Variants in KIRREL3 observed in about 807,000 individuals in gnomAD.
The protein encoded by KIRREL3 is kirre like nephrin family adhesion molecule 3, also known as kin of IRRE-like protein 3.
Under a neutral mutation model 89.7 loss-of-function variants are expected in KIRREL3, and 36 were observed. The observed-to-expected ratio is 0.40, with a 90% CI of 0.31 to 0.53. The LOEUF (loss-of-function observed/expected upper bound fraction) is 0.53. KIRREL3 is among the 20% of genes least tolerant of loss of function. The probability of loss-of-function intolerance (pLI) is 0.49; values close to 1 mark genes in which losing one functional copy is unlikely to be tolerated. For synonymous variants in KIRREL3, 445 were observed against 441.4 expected (o/e 1.01, Z -0.10); for missense variants, 864 against 1,056.6 (o/e 0.82, Z 2.53).
At chr11:126,888,589 C>T (rs1945788057) in intron 1 of KIRREL3, among the ~76,000 whole-genome samples, 1 of 152,144 alleles carries the variant, frequency 6.6e-6, no homozygotes, top group African/African-American at 2.4e-5. Flanking sequence ...GAATGTGTTG[C>T]TAAGACCCTC....
chr11:126,730,957 T>C (rs541735554), intron 1 of KIRREL3, among the ~76,000 whole-genome samples: 1 of 152,176 alleles, frequency 6.6e-6, no homozygotes, highest in African/African-American at 2.4e-5. Flanking sequence ...GGCAGGATGG[T>C]CTCCATCTCC....
Position 126,948,558 on chromosome 11 carries a change from G to T in KIRREL3, c.55+51897C>A, listed in dbSNP as rs1948687553. ...TCAAGAAAACTATGAGGGATTTTAG[G>T]CTTCCCAAAAAGCATAAAAAGCAGT... On this transcript the variant is annotated intron_variant, in intron 1 of 16. Transcript: ENST00000525144. This position sits in a 1 kb window ranked among gnomAD's most constrained non-coding sequence, Gnocchi z 4.5. Among the ~76,000 whole-genome samples, 1 of 152,158 alleles carries T rather than the reference G, an allele frequency of 6.6e-6. No homozygotes were observed. Among genetic ancestry groups the T allele is most frequent in the Non-Finnish European group, 1.5e-5 (1 of 68,024 alleles).
intron 1 of KIRREL3, among the ~76,000 whole-genome samples, chr11:126,907,141 G>T (rs1489225071): frequency 6.6e-6 from 1 of 152,000 alleles, no homozygotes; most frequent in South Asian, 2.1e-4. Context: ...ACTTGGTTAA[G>T]ATATGAAACT....
Position 126,768,129 on chromosome 11 carries a change from CATCT to C in KIRREL3, c.56-205221_56-205218del, listed in dbSNP as rs1439465775. Among the ~76,000 whole-genome samples, 556 of 131,914 alleles carry C rather than the reference CATCT, an allele frequency of 4.2e-3. 6 individuals are homozygous for C. The highest frequency in any genetic ancestry group is 0.015 in the African/African-American group (504 of 32,556). 86.5% of individuals were successfully genotyped at this position (131,914 alleles called of 152,430 possible). A position where few individuals can be genotyped will look rare whatever the true frequency, so the allele number is the denominator to read the frequency against. ...CCATCTGTCCATCCATCTGTCTATC[CATCT>C]ATCCATCCATCCATCCATCCATCCA... On this transcript the variant is annotated intron_variant, in intron 1 of 16. Coordinates refer to ENST00000525144, the MANE Select transcript of KIRREL3 (RefSeq NM_032531.4). The surrounding 1 kb of genome is among the most constrained non-coding windows in gnomAD (Gnocchi z 4.5).
intron 1 of KIRREL3, among the ~76,000 whole-genome samples, chr11:126,820,145 T>G (rs939523): frequency 1.3e-5 from 2 of 151,872 alleles, no homozygotes; most frequent in Non-Finnish European, 2.9e-5. Context: ...GCCCCATTCA[T>G]TTTGTTCATG....
At chr11:126,834,658 A>C (rs1039115001) in intron 1 of KIRREL3, among the ~76,000 whole-genome samples, 1 of 152,252 alleles carries the variant, frequency 6.6e-6, no homozygotes, top group African/African-American at 2.4e-5. Flanking sequence ...ATTTGTAAAG[A>C]AGAGAATTCT....
At chr11:126,545,311 A>T (rs1334638423) in intron 2 of KIRREL3, among the ~76,000 whole-genome samples, 1 of 152,152 alleles carries the variant, frequency 6.6e-6, no homozygotes, top group African/African-American at 2.4e-5. Flanking sequence ...GCTGGCACCA[A>T]GGGGAGCCGT....
At chr11:126,832,892 T>A (rs531069991) in intron 1 of KIRREL3, among the ~76,000 whole-genome samples, 1 of 152,316 alleles carries the variant, frequency 6.6e-6, no homozygotes, top group East Asian at 1.9e-4. Context: ...TTAACATGGA[T>A]TTGTTCGAGT....
intron 1 of KIRREL3, among the ~76,000 whole-genome samples, chr11:126,598,916 C>T (rs1280913271): frequency 6.6e-6 from 1 of 152,246 alleles, no homozygotes; most frequent in Non-Finnish European, 1.5e-5. Flanking sequence ...GTCTGAAGAT[C>T]ACGTGGTTTT....
In KIRREL3 at chr11:126,535,007, G is replaced by GGTGGCA. The variant is rs1937732034; in HGVS notation, c.134-8326_134-8321dup. On this transcript the variant is annotated intron_variant, in intron 2 of 16. Coordinates refer to ENST00000525144, the MANE Select transcript of KIRREL3 (RefSeq NM_032531.4). The surrounding 1 kb of genome is among the most constrained non-coding windows in gnomAD (Gnocchi z 4.5). ...AGTGGCTGGTGGGAGGAAGTGTGGA[G>GGTGGCA]GTGGCAGCAGCAGTGACAGGTGTGG... 2.0e-5 allele frequency among the ~76,000 whole-genome samples: 3 copies of GGTGGCA among 152,170 alleles called. No individual in the cohort carries two copies. The highest frequency in any genetic ancestry group is 7.2e-5 in the African/African-American group (3 of 41,426).
intron 1 of KIRREL3, among the ~76,000 whole-genome samples, chr11:126,787,850 G>T (rs542148959): frequency 2.0e-5 from 3 of 152,308 alleles, no homozygotes; most frequent in Non-Finnish European, 4.4e-5. Context: ...AATGGAAGCA[G>T]GTCTACTCTG....
At chr11:126,506,962 T>C (rs1392794238) in intron 4 of KIRREL3, among the ~76,000 whole-genome samples, 1 of 152,096 alleles carries the variant, frequency 6.6e-6, no homozygotes, top group African/African-American at 2.4e-5. Flanking sequence ...CTGGAAACAA[T>C]CCGACTGTCT....
At position 126,923,192 on chromosome 11, in the gene KIRREL3, C is replaced by CTT. The variant is rs767538927; in HGVS notation, c.55+77261_55+77262dup. Reference sequence around the variant, plus strand: ...CTTCTTCTTCTCTTCTTCTTCTCTTCTTCTTCTTCTTCTTCTTCTTCTTCT... The same window carrying CTT: ...CTTCTTCTTCTCTTCTTCTTCTCTTCTTTTCTTCTTCTTCTTCTTCTTCTTCT... On this transcript the variant is annotated intron_variant, in intron 1 of 16. Coordinates refer to ENST00000525144, the MANE Select transcript of KIRREL3 (RefSeq NM_032531.4). 6.0e-3 allele frequency among the ~76,000 whole-genome samples: 65 copies of CTT among 10,902 alleles called. 16 individuals carry two copies. The highest frequency in any genetic ancestry group is 0.01 in the East Asian group (6 of 578). The allele number at this position is 10,902 out of a possible 152,430, so 7.2% of individuals were successfully genotyped here.
At position 126,924,480 on chromosome 11, in the gene KIRREL3, C is replaced by A. The variant is rs1465552886; in HGVS notation, c.55+75975G>T. Among the ~76,000 whole-genome samples the A allele has an allele frequency of 6.6e-6, 1 of 152,118 alleles. No homozygotes were observed. The highest frequency in any genetic ancestry group is 1.5e-5 in the Non-Finnish European group (1 of 68,022). ...CCAGGCACACGGGAAGTCTAACACC[C>A]ATTAATCCTGTGCCATTATTGTACT... is the stretch of plus-strand genomic sequence containing the variant. On this transcript the variant is annotated intron_variant, in intron 1 of 16. Coordinates refer to ENST00000525144, the MANE Select transcript of KIRREL3 (RefSeq NM_032531.4). This position sits in a 1 kb window ranked among gnomAD's most constrained non-coding sequence, Gnocchi z 4.7.
rs1367334273 is a variant in KIRREL3, at chr11:126,752,682, A to G, written c.56-189770T>C. Among the ~76,000 whole-genome samples the G allele has an allele frequency of 6.6e-6, 1 of 152,148 alleles. No individual in the cohort carries two copies. The highest frequency in any genetic ancestry group is 1.5e-5 in the Non-Finnish European group (1 of 68,034). ...TTCACATGTGAAAGAATGCAAATTC[A>G]ATTCCTCCTGACAAAGAAATCTAAA... On this transcript the variant is annotated intron_variant, in intron 1 of 16. Transcript: ENST00000525144. This position sits in a 1 kb window ranked among gnomAD's most constrained non-coding sequence, Gnocchi z 4.8.
chr11:126,710,637 C>T lies in KIRREL3; in HGVS notation c.56-147725G>A, dbSNP rs1293253029. 1.3e-5 allele frequency among the ~76,000 whole-genome samples: 2 copies of T among 152,138 alleles called. No individual in the cohort carries two copies. Among genetic ancestry groups the T allele is most frequent in the African/African-American group, 2.4e-5 (1 of 41,436 alleles). ...CCCCTTCTCTGTCCTCAGCTGGGGACCCCTCTCATCCCACTTGGACTCAGA... is the reference window on the plus strand; with the variant it reads ...CCCCTTCTCTGTCCTCAGCTGGGGATCCCTCTCATCCCACTTGGACTCAGA... On this transcript the variant is annotated intron_variant, in intron 1 of 16. Transcript: ENST00000525144. This position sits in a 1 kb window ranked among gnomAD's most constrained non-coding sequence, Gnocchi z 4.2.
chr11:126,526,835 T>C lies in KIRREL3; in HGVS notation c.134-148A>G, dbSNP rs1266618052. The stretch of plus-strand genomic sequence containing the variant: ...TTTCCTGCTGAGGGTCTGGTAGAGC[T>C]TCCTAACTGGTCTCAGCCCCAGCTC... On this transcript the variant is annotated intron_variant, in intron 2 of 16. Transcript: ENST00000525144. This position sits in a 1 kb window ranked among gnomAD's most constrained non-coding sequence, Gnocchi z 5.7. 14 of 858,028 alleles carry C rather than the reference T, an allele frequency of 1.6e-5. No individual in the cohort carries two copies. In the Admixed American group the frequency reaches 3.1e-4, roughly 19 times the overall value. The allele number at this position is 858,028 out of a possible 1,614,324, so 53.2% of individuals were successfully genotyped here. A position where few individuals can be genotyped will look rare whatever the true frequency, so the allele number is the denominator to read the frequency against.
At chr11:126,593,502 GA>G (rs1942248692) in intron 1 of KIRREL3, among the ~76,000 whole-genome samples, 1 of 152,172 alleles carries the variant, frequency 6.6e-6, no homozygotes, top group Admixed American at 6.5e-5. Context: ...AACCTGCTGT[GA>G]CCCCCTCTGG....
chr11:126,743,927 G>A (rs866336801), intron 1 of KIRREL3, among the ~76,000 whole-genome samples: 6 of 152,282 alleles, frequency 3.9e-5, no homozygotes, highest in African/African-American at 7.2e-5. Context: ...CAGTGTATAC[G>A]TTTCTCAGAA....
Sources: allele counts gnomAD v4.1 joint callset (sites outside exome capture counted in the v4.1 genomes callset), GRCh38; gene constraint gnomAD v4.1.1; non-coding constraint Gnocchi (gnomAD v3.1); transcripts MANE v1.5; gene names NCBI Gene and HGNC (gene_info 2026-07-23, HGNC 2026-07-21).